The following LAMP1 variants were observed in gnomAD, a reference collection of about 807,000 sequenced individuals.
LAMP1 encodes lysosome-associated membrane glycoprotein 1.
LAMP1 carries 7 observed loss-of-function variants against 37.5 expected under a neutral mutation model. The ratio of observed to expected loss-of-function variants is 0.19; its 90% confidence interval spans 0.11 to 0.35. The LOEUF (loss-of-function observed/expected upper bound fraction) is 0.35. Ranked by LOEUF, LAMP1 falls within the 10% of genes least tolerant of loss-of-function variation. The pLI is 1.00. For missense variants in LAMP1, 537 were observed against 552.8 expected, an observed-to-expected ratio of 0.97 and a Z score of 0.29; for synonymous variants, 236 against 229.1, an observed-to-expected ratio of 1.03 and a Z score of -0.27.
intron 1 of LAMP1, chr13:113,306,224 G>A: frequency 7.4e-6 from 2 of 270,486 alleles, no homozygotes; most frequent in South Asian, 4.2e-5. Flanking sequence ...GGGTTTGGTG[G>A]CACGTGCCTG....
intron 1 of LAMP1, among the ~76,000 whole-genome samples, chr13:113,302,805 C>T (rs2042581034): frequency 6.6e-6 from 1 of 152,146 alleles, no homozygotes; most frequent in African/African-American, 2.4e-5. Context: ...AGTGGCACGT[C>T]CTGTGAGTCA....
In LAMP1 at chr13:113,322,372, C is replaced by CT; in HGVS notation, c.1205_1206insT (p.Tyr403LeufsTer57). ...GGGCTGGTCCTCATCGTCCTCATCG[C>CT]CTACCTCGTCGGCAGGAAGAGGAGT... is the stretch of plus-strand genomic sequence containing the variant. On this transcript the variant is annotated frameshift_variant, in exon 9 of 9. Transcript: ENST00000332556. LOFTEE classifies it high-confidence loss of function. 6.2e-7 allele frequency: 1 copy of CT among 1,605,270 alleles called. No homozygotes were observed. Among genetic ancestry groups the CT allele is most frequent in the South Asian group, 1.1e-5 (1 of 89,896 alleles).
At chr13:113,316,383 A>C (rs530772052) in intron 4 of LAMP1, among the ~76,000 whole-genome samples, 85 of 150,746 alleles carry the variant, frequency 5.6e-4, no homozygotes, top group African/African-American at 2.0e-3. Flanking sequence ...GTTGAAAATG[A>C]AGGTCACCGT....
chr13:113,311,041 C>T (rs961270650), intron 4 of LAMP1, among the ~76,000 whole-genome samples, 174 bp downstream of exon 4: 1 of 152,024 alleles, frequency 6.6e-6, no homozygotes, highest in Non-Finnish European at 1.5e-5. Flanking sequence ...GGGCAGGTGA[C>T]TTGTAGATGA....
Position 113,297,468 on chromosome 13 carries a change from C to T in LAMP1, c.34C>T (p.Leu12=). ...AAPGSARRPL[L]LLLLLLLLGL... is the part of the protein sequence containing the mutation. The stretch of plus-strand genomic sequence containing the variant: ...CCCCGGCAGCGCCCGGCGACCCCTG[C>T]TGCTGCTACTGCTGTTGCTGCTGCT... The change falls in exon 1 of 9, where the codon CTG becomes TTG. Residue 12 remains leucine, a synonymous_variant. Transcript: ENST00000332556. This position sits in a 1 kb window ranked among gnomAD's most constrained non-coding sequence, Gnocchi z 4.4. 2.4e-6 allele frequency: 3 copies of T among 1,227,724 alleles called. No homozygotes were observed. Among genetic ancestry groups the T allele is most frequent in the Non-Finnish European group, 2.0e-6 (2 of 977,506 alleles). The allele number at this position is 1,227,724 out of a possible 1,614,324, so 76.1% of individuals were successfully genotyped here.
At chr13:113,316,947 G>C (rs1006966693) in intron 4 of LAMP1, among the ~76,000 whole-genome samples, 1 of 152,006 alleles carries the variant, frequency 6.6e-6, no homozygotes, top group Non-Finnish European at 1.5e-5. Context: ...GAAAGGGGCA[G>C]GAGAAGGTCA....
rs1000373041 is a variant in LAMP1 at position 113,297,366 on chromosome 13, C to T, written c.-69C>T. 51 of 316,500 alleles carry T rather than the reference C, an allele frequency of 1.6e-4. No individual in the cohort carries two copies. The highest frequency in any genetic ancestry group is 1.8e-4 in the Non-Finnish European group (36 of 195,980). The allele number at this position is 316,500 out of a possible 1,614,324, so 19.6% of individuals were successfully genotyped here. ...GCGCCCGCGCCCCGCCACCGCAGCGCCCGGCAGTCCGCGGCCCAACCGCCG... is the reference window on the plus strand; with the variant it reads ...GCGCCCGCGCCCCGCCACCGCAGCGTCCGGCAGTCCGCGGCCCAACCGCCG... On this transcript the variant is annotated 5_prime_UTR_variant, in exon 1 of 9. Transcript: ENST00000332556. This position sits in a 1 kb window ranked among gnomAD's most constrained non-coding sequence, Gnocchi z 4.4.
chr13:113,320,435 G>A lies in LAMP1; in HGVS notation c.841G>A (p.Glu281Lys), dbSNP rs756102656. The stretch of plus-strand genomic sequence containing the variant: ...CCTGGTGACTCTGGAGCTGCACAGC[G>A]AGGGCACCACCGTCCTGCTCTTCCA... ...AHLVTLELHS[E>K]GTTVLLFQFG... The change falls in exon 6 of 9, where the codon GAG becomes AAG. Residue 281 changes from glutamate to lysine, a missense_variant. Physicochemically the swap from Glu to Lys is moderately conservative, Grantham distance 56 (BLOSUM62 1). Transcript: ENST00000332556. This position sits in a 1 kb window ranked among gnomAD's most constrained non-coding sequence, Gnocchi z 4.4. 1.1e-5 allele frequency: 18 copies of A among 1,610,878 alleles called. No homozygotes were observed. The highest frequency in any genetic ancestry group is 2.7e-5 in the African/African-American group (2 of 74,902).
At chr13:113,312,027 C>T (rs1047916518) in intron 4 of LAMP1, among the ~76,000 whole-genome samples, 12 of 152,204 alleles carry the variant, frequency 7.9e-5, no homozygotes, top group African/African-American at 2.9e-4. Flanking sequence ...GGAGACATCA[C>T]AGCCTTCTCT....
In LAMP1 at chr13:113,297,637, G is replaced by C. The variant is rs2042549914; in HGVS notation, c.61+142G>C. On this transcript the variant is annotated intron_variant, in intron 1 of 8. Coordinates refer to ENST00000332556, the MANE Select transcript of LAMP1 (RefSeq NM_005561.4). This position sits in a 1 kb window ranked among gnomAD's most constrained non-coding sequence, Gnocchi z 4.4. Reference sequence around the variant, plus strand: ...CTCCTGGTCCCGGCCGGCTCTGCCCGCGGGCGGGTGTTTCTCTCGGGGTCG... The same window carrying C: ...CTCCTGGTCCCGGCCGGCTCTGCCCCCGGGCGGGTGTTTCTCTCGGGGTCG... 2.6e-6 allele frequency: 2 copies of C among 778,416 alleles called. No individual in the cohort carries two copies. Among genetic ancestry groups the C allele is most frequent in the Non-Finnish European group, 3.4e-6 (2 of 593,884 alleles). 48.2% of individuals were successfully genotyped at this position (778,416 alleles called of 1,614,324 possible).
intron 1 of LAMP1, among the ~76,000 whole-genome samples, chr13:113,302,390 A>C (rs1213362007): frequency 6.6e-6 from 1 of 150,822 alleles, no homozygotes; most frequent in Non-Finnish European, 1.5e-5. Context: ...GGGTTTCACC[A>C]TGCTAGCTAG....
Position 113,297,429 on chromosome 13 carries a change from C to T in LAMP1, c.-6C>T, listed in dbSNP as rs1487658776. 1 of 951,788 alleles carries T rather than the reference C, an allele frequency of 1.1e-6. No individual in the cohort carries two copies. Among genetic ancestry groups the T allele is most frequent in the Non-Finnish European group, 1.4e-6 (1 of 727,812 alleles). 59.0% of individuals were successfully genotyped at this position (951,788 alleles called of 1,614,324 possible). On this transcript the variant is annotated 5_prime_UTR_variant, in exon 1 of 9. Transcript: ENST00000332556. This position sits in a 1 kb window ranked among gnomAD's most constrained non-coding sequence, Gnocchi z 4.4. ...CTCCCCGCACCGTACCCGGCCGCCT[C>T]GCGCCATGGCGGCCCCCGGCAGCGC...
Position 113,320,644 on chromosome 13 carries a change from C to G in LAMP1, c.876+174C>G, listed in dbSNP as rs556727792. 50 of 646,510 alleles carry G rather than the reference C, an allele frequency of 7.7e-5. No individual in the cohort carries two copies. The highest frequency in any genetic ancestry group is 7.5e-4 in the African/African-American group (41 of 54,756). 40.0% of individuals were successfully genotyped at this position (646,510 alleles called of 1,614,324 possible). The stretch of plus-strand genomic sequence containing the variant: ...TTGGTTCCCCTCCCCCCTTTCCATT[C>G]CATTCATAGATGCAGCAGATGATGT... On this transcript the variant is annotated intron_variant, in intron 6 of 8. Transcript: ENST00000332556. This position sits in a 1 kb window ranked among gnomAD's most constrained non-coding sequence, Gnocchi z 4.4.
chr13:113,300,199 G>A (rs371296235), intron 1 of LAMP1, among the ~76,000 whole-genome samples: 3 of 152,148 alleles, frequency 2.0e-5, no homozygotes, highest in East Asian at 1.9e-4. Context: ...TTTTATACTC[G>A]GCTGGGTGCA....
At chr13:113,303,869 A>C (rs1367705188) in intron 1 of LAMP1, among the ~76,000 whole-genome samples, 3 of 152,162 alleles carry the variant, frequency 2.0e-5, no homozygotes, top group Non-Finnish European at 4.4e-5. Context: ...TGAGGCGAGG[A>C]GTTGGAGACC....
At chr13:113,313,041 T>C (rs1308191750) in intron 4 of LAMP1, among the ~76,000 whole-genome samples, 5 of 152,070 alleles carry the variant, frequency 3.3e-5, no homozygotes, top group African/African-American at 7.2e-5. Context: ...TGAGAGAGAA[T>C]TGGATGCTGA....
chr13:113,318,464 G>C (rs1250051649), intron 4 of LAMP1, among the ~76,000 whole-genome samples: 6 of 152,144 alleles, frequency 3.9e-5, no homozygotes, highest in African/African-American at 1.4e-4. Context: ...TATTATTCTT[G>C]AGTATCCACA....
chr13:113,309,514 G>A (rs368902218), intron 2 of LAMP1, 129 bp from the exon 3 acceptor site: 2 of 650,448 alleles, frequency 3.1e-6, no homozygotes, highest in East Asian at 5.7e-5. Context: ...TTAAAAATGA[G>A]TACCTCAGTA....
At chr13:113,304,248 G>C (rs117706518) in intron 1 of LAMP1, among the ~76,000 whole-genome samples, 9,881 of 152,246 alleles carry the variant, frequency 0.065, 384 homozygotes, top group Middle Eastern at 0.14. Context: ...GCTCCCATGT[G>C]GGCATCCGGG....
Sources: allele counts gnomAD v4.1 joint callset (sites outside exome capture counted in the v4.1 genomes callset), GRCh38; gene constraint gnomAD v4.1.1; non-coding constraint Gnocchi (gnomAD v3.1); transcripts MANE v1.5; gene names NCBI Gene and HGNC (gene_info 2026-07-23, HGNC 2026-07-21).